CACNB2: variants seen among roughly 807,000 people sequenced by gnomAD.
The protein encoded by CACNB2 is calcium voltage-gated channel auxiliary subunit beta 2, also known as voltage-dependent L-type calcium channel subunit beta-2.
In CACNB2, 42 loss-of-function variants were observed where a neutral mutation model predicts 73.3. The ratio of observed to expected loss-of-function variants is 0.57; its 90% CI spans 0.45 to 0.74. CACNB2 has a LOEUF of 0.74. CACNB2 is among the 30% of genes least tolerant of loss of function. The probability of loss-of-function intolerance (pLI) is 0.00; values close to 1 mark genes in which losing one functional copy is unlikely to be tolerated. For missense variants in CACNB2, 940 were observed against 853.0 expected, an observed-to-expected ratio of 1.10 and a Z score of -1.27; for synonymous variants, 348 against 310.3, an observed-to-expected ratio of 1.12 and a Z score of -1.28.
At chr10:18,253,036 T>C (rs916529495) in intron 2 of CACNB2, among the ~76,000 whole-genome samples, 2 of 152,230 alleles carry the variant, frequency 1.3e-5, no homozygotes, top group Non-Finnish European at 2.9e-5. Flanking sequence ...AACATCTGGA[T>C]AGAAGTTCTA....
At chr10:18,220,241 A>ATGGGGG (rs2035727838) in intron 2 of CACNB2, among the ~76,000 whole-genome samples, 1 of 81,810 alleles carries the variant, frequency 1.2e-5, no homozygotes, top group East Asian at 3.5e-4. Context: ...ATAGAGAGAG[A>ATGGGGG]GAGAGAGAGA....
intron 2 of CACNB2, among the ~76,000 whole-genome samples, chr10:18,387,249 T>C (rs2043274819): frequency 6.6e-6 from 1 of 152,228 alleles, no homozygotes; most frequent in Non-Finnish European, 1.5e-5. Flanking sequence ...TATTTCCCTT[T>C]AGAAGCTTCT....
intron 3 of CACNB2, among the ~76,000 whole-genome samples, chr10:18,491,013 C>T (rs193111882): frequency 2.0e-5 from 3 of 152,320 alleles, no homozygotes; most frequent in Admixed American, 6.5e-5. Flanking sequence ...TCCCAGAGCA[C>T]TGTGTCAGTT....
intron 2 of CACNB2, among the ~76,000 whole-genome samples, chr10:18,288,746 T>TA (rs1291300845): frequency 8.0e-5 from 12 of 150,236 alleles, no homozygotes; most frequent in Non-Finnish European, 1.6e-4. Context: ...CTCTTTTATT[T>TA]AAAAAATCCT....
At chr10:18,528,135 T>G (rs1564657057) in intron 10 of CACNB2, among the ~76,000 whole-genome samples, 1 of 152,340 alleles carries the variant, frequency 6.6e-6, no homozygotes, top group East Asian at 1.9e-4. Flanking sequence ...ATCCTAAATA[T>G]TCCTTAATTC....
Position 18,454,361 on chromosome 10 carries a change from C to T in CACNB2, c.334-43994C>T, listed in dbSNP as rs866655670. Among the ~76,000 whole-genome samples, 3 of 152,288 alleles carry T rather than the reference C, an allele frequency of 2.0e-5. No homozygotes were observed. In the South Asian group the frequency reaches 6.2e-4, roughly 32 times the overall value. On this transcript the variant is annotated intron_variant, in intron 3 of 13. Transcript: ENST00000324631. ...TTCAACCTTTGTCATTAATCGCCCCCTTAAGGGGCCTTTTCTAGGCAGTTT... is the reference window on the plus strand; with the variant it reads ...TTCAACCTTTGTCATTAATCGCCCCTTTAAGGGGCCTTTTCTAGGCAGTTT...
chr10:18,145,710 G>T (rs577485227), intron 1 of CACNB2, among the ~76,000 whole-genome samples: 1 of 152,128 alleles, frequency 6.6e-6, no homozygotes, highest in African/African-American at 2.4e-5. Flanking sequence ...TATCCTACAC[G>T]TAGTCTAGGT....
At chr10:18,520,322 T>C (rs776013373) in intron 9 of CACNB2, among the ~76,000 whole-genome samples, 3 of 152,244 alleles carry the variant, frequency 2.0e-5, no homozygotes, top group Admixed American at 6.5e-5. Flanking sequence ...TGACTGTTCT[T>C]TCTCTCTTAT....
intron 2 of CACNB2, among the ~76,000 whole-genome samples, chr10:18,317,232 C>CTT (rs201433717): frequency 8.8e-5 from 13 of 147,390 alleles, no homozygotes; most frequent in African/African-American, 3.2e-4. Flanking sequence ...TTTTCCCTAG[C>CTT]TTTTTTTTTT....
intron 2 of CACNB2, among the ~76,000 whole-genome samples, chr10:18,193,052 C>G (rs1402418128): frequency 6.6e-6 from 1 of 152,014 alleles, no homozygotes; most frequent in Non-Finnish European, 1.5e-5. Context: ...ATTTACAATT[C>G]ATATATAATT....
intron 2 of CACNB2, among the ~76,000 whole-genome samples, chr10:18,384,837 G>C (rs748980002): frequency 6.6e-6 from 1 of 151,614 alleles, no homozygotes; most frequent in African/African-American, 2.4e-5. Flanking sequence ...AGGTTACCCA[G>C]TGCCAGGTTA....
intron 2 of CACNB2, among the ~76,000 whole-genome samples, chr10:18,275,469 A>G (rs181397636): frequency 2.0e-5 from 3 of 152,282 alleles, no homozygotes; most frequent in Non-Finnish European, 4.4e-5. Context: ...TTAGTCTCAT[A>G]TTAAGCATCA....
intron 3 of CACNB2, among the ~76,000 whole-genome samples, chr10:18,458,763 C>CTTTTTT: frequency 8.2e-6 from 1 of 122,630 alleles, no homozygotes; most frequent in Non-Finnish European, 1.7e-5. Flanking sequence ...GTAAGGTGAA[C>CTTTTTT]TTTTTTTTTT....
chr10:18,538,241 A>G lies in CACNB2; in HGVS notation c.1364A>G (p.Asp455Gly). 1 of 1,614,028 alleles carries G rather than the reference A, an allele frequency of 6.2e-7. No individual in the cohort carries two copies. Among genetic ancestry groups the G allele is most frequent in the South Asian group, 1.1e-5 (1 of 91,074 alleles). ...GAGGATGCCTGTGAGCACCTTGCCG[A>G]CTATCTGGAGGCCTACTGGAAGGCC... ...QLEDACEHLA[D>G]YLEAYWKATH... is the part of the protein sequence containing the mutation. The change falls in exon 13 of 14, where the codon GAC (aspartate) becomes GGC (glycine). Residue 455 changes from aspartate (D) to glycine (G), a missense_variant. Physicochemically the swap from Asp to Gly is moderately conservative, Grantham distance 94. Coordinates refer to ENST00000324631, the MANE Select transcript of CACNB2 (RefSeq NM_201596.3).
chr10:18,216,388 T>C (rs185727910), intron 2 of CACNB2, among the ~76,000 whole-genome samples: 12 of 152,238 alleles, frequency 7.9e-5, no homozygotes, highest in African/African-American at 2.4e-4. Flanking sequence ...GTAAAGTCCA[T>C]CAAAAGAAGA....
At chr10:18,397,921 G>T (rs1319159319) in intron 2 of CACNB2, among the ~76,000 whole-genome samples, 1 of 152,140 alleles carries the variant, frequency 6.6e-6, no homozygotes, top group Non-Finnish European at 1.5e-5. Flanking sequence ...AAATAGAAAT[G>T]CAGGTATTAA....
intron 3 of CACNB2, among the ~76,000 whole-genome samples, chr10:18,404,176 T>A (rs2044160419): frequency 1.3e-5 from 2 of 152,272 alleles, no homozygotes; most frequent in South Asian, 4.1e-4. Flanking sequence ...GTCAATATTT[T>A]AAACCTTTGA....
intron 2 of CACNB2, among the ~76,000 whole-genome samples, chr10:18,196,829 A>G (rs2034646991): frequency 6.6e-6 from 1 of 152,268 alleles, no homozygotes; most frequent in East Asian, 1.9e-4. Context: ...AGACTTTAGA[A>G]CAATTGTTTT....
intron 2 of CACNB2, among the ~76,000 whole-genome samples, chr10:18,393,396 C>T (rs1255269867): frequency 6.6e-6 from 1 of 152,124 alleles, no homozygotes; most frequent in Non-Finnish European, 1.5e-5. Flanking sequence ...TTCCTTTGGA[C>T]AATGTCAAAT....
Sources: gnomAD v4.1 joint callset for allele counts (sites outside exome capture counted in the v4.1 genomes callset) on GRCh38, gnomAD v4.1.1 for gene constraint, MANE v1.5 for transcripts, NCBI Gene and HGNC (gene_info 2026-07-23, HGNC 2026-07-21) for gene names.